Variants in FSTL5 observed in about 807,000 individuals in gnomAD.
The protein encoded by FSTL5 is follistatin-related protein 5.
In FSTL5, 62 loss-of-function variants were observed where a neutral mutation model predicts 89.1. The ratio of observed to expected loss-of-function variants is 0.70; its 90% CI spans 0.57 to 0.86. FSTL5 has a LOEUF of 0.86. FSTL5 is among the 40% of genes least tolerant of loss of function. The pLI, the probability that FSTL5 is intolerant of heterozygous loss-of-function variation, is 0.00. For missense variants in FSTL5, 1,057 were observed against 1,001.6 expected (o/e 1.06, Z -0.75); for synonymous variants, 383 against 346.2 (o/e 1.11, Z -1.18).
At chr4:162,070,896 AT>A (rs994990642) in intron 2 of FSTL5, among the ~76,000 whole-genome samples, 1 of 151,744 alleles carries the variant, frequency 6.6e-6, no homozygotes, top group African/African-American at 2.4e-5. Context: ...CCCTACAAAA[AT>A]TTTTAAGTGA....
chr4:161,975,804 A>T (rs374390651), intron 3 of FSTL5, among the ~76,000 whole-genome samples: 5 of 136,974 alleles, frequency 3.7e-5, no homozygotes, highest in African/African-American at 8.4e-5. Flanking sequence ...TAAAATAAAA[A>T]ATAAATAAAA....
intron 6 of FSTL5, among the ~76,000 whole-genome samples, chr4:161,748,386 G>A (rs1740275832): frequency 1.3e-5 from 2 of 152,016 alleles, no homozygotes; most frequent in South Asian, 4.2e-4. Flanking sequence ...TCCTGAAAAA[G>A]TTTTTTTAGC....
chr4:161,877,400 T>C (rs1732480187), intron 4 of FSTL5, among the ~76,000 whole-genome samples: 1 of 127,978 alleles, frequency 7.8e-6, no homozygotes, highest in South Asian at 3.0e-4. Context: ...TATGATAATA[T>C]AGTAGACTAT....
chr4:161,473,051 T>G (rs2126438275), intron 13 of FSTL5, among the ~76,000 whole-genome samples: 1 of 152,288 alleles, frequency 6.6e-6, no homozygotes, highest in South Asian at 2.1e-4. Flanking sequence ...CTATTGAGAC[T>G]TAATTTCTGG....
chr4:161,395,114 A>G (rs571966896), intron 15 of FSTL5, among the ~76,000 whole-genome samples: 1 of 152,182 alleles, frequency 6.6e-6, no homozygotes, highest in Non-Finnish European at 1.5e-5. Flanking sequence ...GTCAAGGCCT[A>G]TCATCAAAAT....
chr4:161,660,455 G>A (rs1356000240), intron 6 of FSTL5, among the ~76,000 whole-genome samples: 3 of 152,028 alleles, frequency 2.0e-5, no homozygotes, highest in Admixed American at 1.3e-4. Context: ...ATAAATTTGG[G>A]TAAAAATATG....
intron 2 of FSTL5, chr4:162,035,083 T>C (rs1435589304): frequency 1.3e-5 from 2 of 152,184 alleles, no homozygotes; most frequent in African/African-American, 4.8e-5. Context: ...CGAAAGGACA[T>C]TTGTTAATGA....
intron 4 of FSTL5, among the ~76,000 whole-genome samples, chr4:161,781,537 C>T (rs1741666565): frequency 6.6e-6 from 1 of 152,080 alleles, no homozygotes; most frequent in African/African-American, 2.4e-5. Flanking sequence ...GAACATAGTA[C>T]ATTTAAAGAG....
intron 3 of FSTL5, among the ~76,000 whole-genome samples, chr4:161,978,674 C>T (rs926160115): frequency 3.3e-5 from 5 of 152,058 alleles, no homozygotes; most frequent in Non-Finnish European, 5.9e-5. Context: ...CTTTAAATTT[C>T]ACCATTACGG....
At chr4:162,034,617 G>A (rs566723980) in intron 2 of FSTL5, among the ~76,000 whole-genome samples, 1 of 152,168 alleles carries the variant, frequency 6.6e-6, no homozygotes, top group South Asian at 2.1e-4. Flanking sequence ...TAATATGCAA[G>A]CACAGTTTAC....
intron 7 of FSTL5, among the ~76,000 whole-genome samples, chr4:161,650,499 G>A (rs1013815433): frequency 4.6e-5 from 7 of 152,086 alleles, no homozygotes; most frequent in African/African-American, 1.7e-4. Context: ...CTGTAGAGTG[G>A]TTGAGTTATA....
intron 8 of FSTL5, among the ~76,000 whole-genome samples, chr4:161,556,327 A>G (rs1466561334): frequency 6.6e-6 from 1 of 151,634 alleles, no homozygotes; most frequent in Non-Finnish European, 1.5e-5. Context: ...TGATTCTGGA[A>G]GCTTTTGTTT....
In FSTL5 at chr4:161,542,589, A is replaced by G; in HGVS notation, c.1120T>C (p.Trp374Arg). The change falls in exon 9 of 16, where the codon TGG becomes CGG. Residue 374 changes from tryptophan to arginine, a missense_variant. By Grantham distance (101) the Trp-to-Arg change is moderately radical. Around this residue, in one of 3 missense-constraint regions of FSTL5, gnomAD observed 980 missense variants for 903.2 expected, o/e 1.08. Coordinates refer to ENST00000306100, the MANE Select transcript of FSTL5 (RefSeq NM_020116.5). ...AEGIPKPQLG[W>R]LKNGIDITPK... ...GTAATATCAATTCCATTCTTCAACC[A>G]GCCAAGCTGAGGCTTTGGTATGCCC... 6.4e-7 allele frequency: 1 copy of G among 1,567,674 alleles called. No homozygotes were observed. Among genetic ancestry groups the G allele is most frequent in the South Asian group, 1.2e-5 (1 of 84,756 alleles).
intron 15 of FSTL5, among the ~76,000 whole-genome samples, chr4:161,397,184 A>G (rs1731034292): frequency 6.6e-6 from 1 of 152,152 alleles, no homozygotes; most frequent in Admixed American, 6.5e-5. Flanking sequence ...AAACTATTCG[A>G]TGATATTTTC....
intron 15 of FSTL5, among the ~76,000 whole-genome samples, chr4:161,432,793 C>G (rs1732425571): frequency 6.6e-6 from 1 of 151,880 alleles, no homozygotes; most frequent in African/African-American, 2.4e-5. Context: ...TTGGGGGTTA[C>G]TGTGAGCAAC....
intron 4 of FSTL5, among the ~76,000 whole-genome samples, chr4:161,784,895 A>AAAAAAAAACAAAAAACAAAAAC (rs1553965825): frequency 2.1e-5 from 3 of 142,016 alleles, no homozygotes; most frequent in African/African-American, 5.3e-5. Context: ...TCCGTCTCAA[A>AAAAAAAAACAAAAAACAAAAAC]AAAAACAAAA....
chr4:162,162,626 A>G (rs967174702), intron 1 of FSTL5, among the ~76,000 whole-genome samples: 1 of 152,190 alleles, frequency 6.6e-6, no homozygotes, highest in African/African-American at 2.4e-5. Context: ...ATTGCTCACT[A>G]TGAGAAGTAT....
At chr4:162,028,448 G>A (rs769950869) in intron 3 of FSTL5, among the ~76,000 whole-genome samples, 3 of 152,054 alleles carry the variant, frequency 2.0e-5, no homozygotes, top group Non-Finnish European at 2.9e-5. Flanking sequence ...GTGCTGGCAC[G>A]CATTTGTAAT....
intron 6 of FSTL5, among the ~76,000 whole-genome samples, chr4:161,662,818 C>A (rs756621321): frequency 3.3e-5 from 5 of 152,136 alleles, no homozygotes; most frequent in Non-Finnish European, 7.4e-5. Flanking sequence ...CTGTATTAGT[C>A]CATTTTCACG....
Sources: allele counts gnomAD v4.1 joint callset (sites outside exome capture counted in the v4.1 genomes callset), GRCh38; gene constraint gnomAD v4.1.1; regional missense constraint gnomAD v4.1.1; transcripts MANE v1.5; gene names NCBI Gene and HGNC (gene_info 2026-07-23, HGNC 2026-07-21).